The following CHD7 variants were observed in gnomAD, a reference collection of about 807,000 sequenced individuals.
CHD7 encodes the protein ATP-dependent chromatin remodeler CHD7.
In CHD7, 24 loss-of-function variants were observed where a neutral mutation model predicts 307.3. The observed-to-expected ratio is 0.08, with a 90% CI of 0.06 to 0.11. The LOEUF is 0.11. Ranked by LOEUF, CHD7 falls within the 10% of genes least tolerant of loss-of-function variation. CHD7 has a pLI of 1.00. For missense variants in CHD7, 3,106 were observed against 3,727.1 expected, an observed-to-expected ratio of 0.83 and a Z score of 4.34; for synonymous variants, 1,363 against 1,349.9, an observed-to-expected ratio of 1.01 and a Z score of -0.21.
At chr8:60,806,069 C>T (rs1355326054) in intron 6 of CHD7, among the ~76,000 whole-genome samples, 1 of 151,862 alleles carries the variant, frequency 6.6e-6, no homozygotes, top group Non-Finnish European at 1.5e-5. Flanking sequence ...GATAATATAT[C>T]TTAAAATGGG....
At chr8:60,778,541 ATC>A (rs1811059928) in intron 2 of CHD7, among the ~76,000 whole-genome samples, 1 of 152,178 alleles carries the variant, frequency 6.6e-6, no homozygotes. Flanking sequence ...GTGCTGGGGA[ATC>A]TCTCATTAGA....
Position 60,742,102 on chromosome 8 carries a change from A to C in CHD7, c.670A>C (p.Asn224His). 1 of 1,613,934 alleles carries C rather than the reference A, an allele frequency of 6.2e-7. No homozygotes were observed. The highest frequency in any genetic ancestry group is 8.5e-7 in the Non-Finnish European group (1 of 1,179,858). The change falls in exon 2 of 38, where the codon AAT (asparagine) becomes CAT (histidine). Residue 224 changes from asparagine (N) to histidine (H), a missense_variant. By Grantham distance (68) the Asn-to-His change is moderately conservative. This residue lies in a region of CHD7 where 998 missense variants were observed against 1,004.5 expected (regional missense o/e 0.99). Transcript: ENST00000423902. Reference protein sequence around the residue: ...SQGQEGLNQGNPFIATSGPGH... With the variant: ...SQGQEGLNQGHPFIATSGPGH... ...AGGCCAAGAGGGCCTCAATCAGGGA[A>C]ATCCTTTTATTGCCACCTCAGGACC... is the stretch of plus-strand genomic sequence containing the variant.
At chr8:60,716,172 T>G (rs1160927707) in intron 1 of CHD7, among the ~76,000 whole-genome samples, 6 of 152,178 alleles carry the variant, frequency 3.9e-5, no homozygotes, top group African/African-American at 1.4e-4. Context: ...CGGGTCCAAG[T>G]GGCCTTTTTT....
At chr8:60,754,907 T>C (rs1450144882) in intron 2 of CHD7, among the ~76,000 whole-genome samples, 1 of 152,222 alleles carries the variant, frequency 6.6e-6, no homozygotes, top group East Asian at 1.9e-4. Flanking sequence ...ACTAAGTCTT[T>C]GTTAAGTATA....
rs1403502176 is a variant in CHD7, at chr8:60,836,807, T to A, written c.3990-10T>A. 1 of 1,611,978 alleles carries A rather than the reference T, an allele frequency of 6.2e-7. No individual in the cohort carries two copies. Among genetic ancestry groups the A allele is most frequent in the Admixed American group, 1.7e-5 (1 of 59,852 alleles). On this transcript the variant is annotated splice_polypyrimidine_tract_variant and intron_variant, in intron 16 of 37. Transcript: ENST00000423902. ...CGTCAGGCCTCCTTGTTCACACTGA[T>A]GTTTTCTAGGTACCCATATGAAAGG...
At chr8:60,846,811 C>G (rs1805228845) in intron 23 of CHD7, among the ~76,000 whole-genome samples, 1 of 152,216 alleles carries the variant, frequency 6.6e-6, no homozygotes, top group South Asian at 2.1e-4. Context: ...GTTGAGTAAC[C>G]TCCTCAAGGA....
chr8:60,739,443 A>G (rs2150574358), intron 1 of CHD7, among the ~76,000 whole-genome samples: 1 of 152,324 alleles, frequency 6.6e-6, no homozygotes, highest in South Asian at 2.1e-4. Flanking sequence ...GGAGATGTCT[A>G]CTTCTCTTTA....
At chr8:60,679,661 T>TCCCGCC (rs1321621967) in intron 1 of CHD7, 7 of 145,266 alleles carry the variant, frequency 4.8e-5, no homozygotes, top group African/African-American at 1.2e-4. Context: ...GACCCCCGCC[T>TCCCGCC]CCCGCCCCCG....
At chr8:60,723,476 C>G (rs1200532551) in intron 1 of CHD7, among the ~76,000 whole-genome samples, 2 of 152,118 alleles carry the variant, frequency 1.3e-5, no homozygotes, top group Non-Finnish European at 2.9e-5. Flanking sequence ...CATTTAACCA[C>G]TATCTAGAAG....
intron 3 of CHD7, among the ~76,000 whole-genome samples, chr8:60,791,700 G>A (rs1173412834): frequency 1.3e-5 from 2 of 152,224 alleles, no homozygotes; most frequent in African/African-American, 4.8e-5. Context: ...TGAGGGTGAT[G>A]AGGCAGTGGG....
chr8:60,698,242 C>T (rs150636558), intron 1 of CHD7, among the ~76,000 whole-genome samples: 1 of 152,132 alleles, frequency 6.6e-6, no homozygotes, highest in Non-Finnish European at 1.5e-5. Flanking sequence ...AATTACTCAG[C>T]AATACAAAGC....
intron 7 of CHD7, among the ~76,000 whole-genome samples, chr8:60,809,100 A>G (rs1013295539): frequency 7.9e-5 from 12 of 152,130 alleles, no homozygotes; most frequent in African/African-American, 2.9e-4. Flanking sequence ...AATTTACCCC[A>G]CCCTAGAAAA....
intron 2 of CHD7, among the ~76,000 whole-genome samples, chr8:60,749,496 C>G (rs1376756179): frequency 6.7e-6 from 1 of 149,894 alleles, no homozygotes; most frequent in Non-Finnish European, 1.5e-5. Flanking sequence ...AGGTTGTAAT[C>G]AGAAATAGAC....
chr8:60,774,303 T>C (rs1235241149), intron 2 of CHD7, among the ~76,000 whole-genome samples: 1 of 152,206 alleles, frequency 6.6e-6, no homozygotes, highest in Non-Finnish European at 1.5e-5. Context: ...GCAGCAATAA[T>C]ATAACTCACC....
Position 60,680,746 on chromosome 8 carries a change from C to T in CHD7, c.-175+1664C>T, listed in dbSNP as rs574721843. Among the ~76,000 whole-genome samples, 15 of 152,312 alleles carry T rather than the reference C, an allele frequency of 9.8e-5. No homozygotes were observed. In the East Asian group the frequency reaches 2.7e-3, roughly 27 times the overall value. On this transcript the variant is annotated intron_variant, in intron 1 of 37. Transcript: ENST00000423902. ...CAGACAATGGACAAAAGAAAAGTAG[C>T]AACCCACATGGAGAGAGTTTCCTTT...
intron 4 of CHD7, among the ~76,000 whole-genome samples, chr8:60,799,097 CA>C (rs1176833316): frequency 6.6e-6 from 1 of 152,202 alleles, no homozygotes; most frequent in Non-Finnish European, 1.5e-5. Context: ...ACAAGATATA[CA>C]GTCTTTTTGT....
intron 34 of CHD7, among the ~76,000 whole-genome samples, chr8:60,858,571 G>A (rs10086310): frequency 0.69 from 104,578 of 152,070 alleles, 36,384 homozygotes; most frequent in East Asian, 0.77. Flanking sequence ...CTTTTTGTTT[G>A]TTATCATGTT....
chr8:60,819,258 C>CT (rs1408190507), intron 8 of CHD7, among the ~76,000 whole-genome samples: 1 of 151,936 alleles, frequency 6.6e-6, no homozygotes, highest in Non-Finnish European at 1.5e-5. Context: ...CAGCCTATAA[C>CT]TTTTTTTTGA....
Position 60,865,277 on chromosome 8 carries a change from G to A in CHD7, c.8338G>A (p.Ala2780Thr), listed in dbSNP as rs1219796819. 1 of 1,607,894 alleles carries A rather than the reference G, an allele frequency of 6.2e-7. No individual in the cohort carries two copies. Among genetic ancestry groups the A allele is most frequent in the South Asian group, 1.1e-5 (1 of 90,068 alleles). The change falls in exon 38 of 38, where the codon GCA becomes ACA. Residue 2780 changes from alanine (A) to threonine (T), a missense_variant. Ala to Thr is a moderately conservative substitution (Grantham distance 58, BLOSUM62 0). Transcript: ENST00000423902. This position sits in a 1 kb window ranked among gnomAD's most constrained non-coding sequence, Gnocchi z 4.3. ...CCTCATGGGCTTCCCTCCAGGACTG[G>A]CAACAGCTGCCACCGCCGGAGGCGA... ...AGLMGFPPGL[A>T]TAATAGGDAK...
Sources: allele counts gnomAD v4.1 joint callset (sites outside exome capture counted in the v4.1 genomes callset), GRCh38; gene constraint gnomAD v4.1.1; regional missense constraint gnomAD v4.1.1; non-coding constraint Gnocchi (gnomAD v3.1); transcripts MANE v1.5; gene names NCBI Gene and HGNC (gene_info 2026-07-23, HGNC 2026-07-21).